CDCA7L: variants seen among roughly 807,000 people sequenced by gnomAD.
CDCA7L encodes cell division cycle-associated 7-like protein.
A neutral mutation model predicts 57.4 loss-of-function variants in CDCA7L; 44 were observed. The ratio of observed to expected loss-of-function variants is 0.77; its 90% CI spans 0.60 to 0.98. CDCA7L has a LOEUF of 0.98. CDCA7L is among the 50% of genes least tolerant of loss of function. The pLI is 0.00. For synonymous variants in CDCA7L, 236 were observed against 202.8 expected, an observed-to-expected ratio of 1.16 and a Z score of -1.39; for missense variants, 644 against 580.6, an observed-to-expected ratio of 1.11 and a Z score of -1.12.
chr7:21,911,563 A>G, intron 3 of CDCA7L, 54 bp downstream of exon 3: 2 of 1,545,616 alleles, frequency 1.3e-6, no homozygotes, highest in Admixed American at 2.1e-5. Context: ...AAACTCTTTC[A>G]GAAACAGGAT....
intron 1 of CDCA7L, among the ~76,000 whole-genome samples, chr7:21,942,701 T>C (rs1786377944): frequency 6.6e-6 from 1 of 152,236 alleles, no homozygotes; most frequent in African/African-American, 2.4e-5. Context: ...TCAGAATCAT[T>C]ATGATCTCTG....
Position 21,904,221 on chromosome 7 carries a change from G to A in CDCA7L, c.1086C>T (p.Asp362=), listed in dbSNP as rs752385846. Residue 362 remains aspartate (D), a synonymous_variant, in exon 8 of 10, where the codon GAC becomes GAT. Coordinates refer to ENST00000406877, the MANE Select transcript of CDCA7L (RefSeq NM_018719.5). Reference sequence around the variant, plus strand: ...CCTGGTTCCGACACACTGTCTTGGTGTCGATGGTCTTTTGTCGACACTGAT... The same window carrying A: ...CCTGGTTCCGACACACTGTCTTGGTATCGATGGTCTTTTGTCGACACTGAT... ...TCHQCRQKTI[D]TKTVCRNQGC... is the part of the protein sequence containing the mutation. 1.9e-6 allele frequency: 3 copies of A among 1,613,070 alleles called. No homozygotes were observed. In the South Asian group the frequency reaches 3.3e-5, roughly 18 times the overall value.
chr7:21,902,034 T>C lies in CDCA7L; in HGVS notation c.*288A>G. 2.3e-6 allele frequency: 1 copy of C among 428,814 alleles called. No homozygotes were observed. The highest frequency in any genetic ancestry group is 4.3e-6 in the Non-Finnish European group (1 of 235,288). 26.6% of individuals were successfully genotyped at this position (428,814 alleles called of 1,614,324 possible). A position where few individuals can be genotyped will look rare whatever the true frequency, so the allele number is the denominator to read the frequency against. On this transcript the variant is annotated 3_prime_UTR_variant, in exon 10 of 10. Coordinates refer to ENST00000406877, the MANE Select transcript of CDCA7L (RefSeq NM_018719.5). The stretch of plus-strand genomic sequence containing the variant: ...TCTCTCTAACTTACTTACCTGAACT[T>C]TAACCCCACCCCATTTAAACTGTGC...
Position 21,902,171 on chromosome 7 carries a change from A to G in CDCA7L, c.*151T>C. On this transcript the variant is annotated 3_prime_UTR_variant, in exon 10 of 10. Coordinates refer to ENST00000406877, the MANE Select transcript of CDCA7L (RefSeq NM_018719.5). ...GTCTTCCTGAGAAATCTTTGTAAGCATATAAACAATCTTTAACAAAAAATA... is the reference window on the plus strand; with the variant it reads ...GTCTTCCTGAGAAATCTTTGTAAGCGTATAAACAATCTTTAACAAAAAATA... The G allele has an allele frequency of 4.0e-6, 3 of 757,244 alleles. No individual in the cohort carries two copies. The highest frequency in any genetic ancestry group is 6.8e-6 in the Non-Finnish European group (3 of 440,560). The allele number at this position is 757,244 out of a possible 1,614,324, so 46.9% of individuals were successfully genotyped here.
intron 1 of CDCA7L, among the ~76,000 whole-genome samples, chr7:21,936,609 AAT>A (rs1364282040): frequency 6.6e-6 from 1 of 152,172 alleles, no homozygotes; most frequent in Non-Finnish European, 1.5e-5. Flanking sequence ...CATCTGACAA[AAT>A]TCAACACCCT....
At chr7:21,936,013 G>GAATAAATA (rs56010183) in intron 1 of CDCA7L, among the ~76,000 whole-genome samples, 21 of 151,366 alleles carry the variant, frequency 1.4e-4, no homozygotes, top group African/African-American at 5.1e-4. Flanking sequence ...GTCTCAAAAT[G>GAATAAATA]AATAAATAAA....
intron 9 of CDCA7L, 47 bp from the exon 10 acceptor site, chr7:21,902,399 A>G: frequency 1.3e-6 from 2 of 1,558,662 alleles, no homozygotes; most frequent in South Asian, 1.1e-5. Flanking sequence ...CAAATACACA[A>G]ATGGCATTCT....
chr7:21,944,488 T>C (rs1242045168), intron 1 of CDCA7L, among the ~76,000 whole-genome samples: 3 of 123,608 alleles, frequency 2.4e-5, no homozygotes, highest in East Asian at 2.3e-4. Flanking sequence ...TAATACACGG[T>C]AAAAGCCAGT....
rs886062190 is a variant in CDCA7L at position 21,901,402 on chromosome 7, GA to G, written c.*919del. ...AACGCTATCCTTAGAGTGAAAGTCA[GA>G]AAAAAATACTAGAAACTAACTCAGG... On this transcript the variant is annotated 3_prime_UTR_variant, in exon 10 of 10. Transcript: ENST00000406877. 2 of 1,154,606 alleles carry G rather than the reference GA, an allele frequency of 1.7e-6. No homozygotes were observed. The highest frequency in any genetic ancestry group is 2.9e-5 in the East Asian group (1 of 34,024). 71.5% of individuals were successfully genotyped at this position (1,154,606 alleles called of 1,614,324 possible).
chr7:21,944,310 G>T (rs1431819595), intron 1 of CDCA7L, among the ~76,000 whole-genome samples: 1 of 150,824 alleles, frequency 6.6e-6, no homozygotes, highest in Non-Finnish European at 1.5e-5. Context: ...AATTAGACAG[G>T]CGTGGTGGCG....
intron 2 of CDCA7L, among the ~76,000 whole-genome samples, chr7:21,916,242 G>C (rs1034139679): frequency 6.6e-6 from 1 of 152,086 alleles, no homozygotes; most frequent in Non-Finnish European, 1.5e-5. Context: ...GAACCTCCAG[G>C]AATCTACCTG....
rs564366705 is a variant in CDCA7L, at chr7:21,904,100, C to CTGTTCCTA, written c.1197+2_1197+9dup. 997 of 1,580,268 alleles carry CTGTTCCTA rather than the reference C, an allele frequency of 6.3e-4. 15 individuals carry two copies. In the South Asian group the frequency reaches 0.011, roughly 18 times the overall value. ...ATACAATTTACAACAAATGCAAACACTGTTCCTACCGGGTCCAGCAATGCC... is the reference window on the plus strand; with the variant it reads ...ATACAATTTACAACAAATGCAAACACTGTTCCTATGTTCCTACCGGGTCCAGCAATGCC... On this transcript the variant is annotated intron_variant, in intron 8 of 9. Transcript: ENST00000406877.
At position 21,902,251 on chromosome 7, in the gene CDCA7L, T is replaced by A. The variant is rs1230968245; in HGVS notation, c.*71A>T. The A allele has an allele frequency of 2.3e-5, 29 of 1,263,722 alleles. No individual in the cohort carries two copies. Among genetic ancestry groups the A allele is most frequent in the Admixed American group, 9.2e-5 (5 of 54,588 alleles). The allele number at this position is 1,263,722 out of a possible 1,614,324, so 78.3% of individuals were successfully genotyped here. On this transcript the variant is annotated 3_prime_UTR_variant, in exon 10 of 10. Transcript: ENST00000406877. ...AACACAACTGTAAAAAAATCTTTCT[T>A]AGGCACCAATGGTATGCATGTCTTG...
chr7:21,912,163 A>T (rs1304062876), intron 2 of CDCA7L, among the ~76,000 whole-genome samples: 1 of 151,922 alleles, frequency 6.6e-6, no homozygotes, highest in Non-Finnish European at 1.5e-5. Flanking sequence ...TTGGGAGGCT[A>T]AGGTGGGAGG....
intron 1 of CDCA7L, among the ~76,000 whole-genome samples, chr7:21,943,434 C>A (rs1055218632): frequency 1.3e-5 from 2 of 152,248 alleles, no homozygotes; most frequent in Admixed American, 6.5e-5. Context: ...ACCCACTGCA[C>A]ACTGAGCTGA....
chr7:21,911,886 G>A, intron 2 of CDCA7L, 132 bp from the exon 3 acceptor site: 1 of 704,394 alleles, frequency 1.4e-6, no homozygotes, highest in Non-Finnish European at 2.3e-6. Context: ...ACAACAATGT[G>A]AATGTACTTA....
At chr7:21,929,696 A>T (rs1409165447) in intron 1 of CDCA7L, among the ~76,000 whole-genome samples, 1 of 151,264 alleles carries the variant, frequency 6.6e-6, no homozygotes, top group Non-Finnish European at 1.5e-5. Context: ...AACAGACTTT[A>T]AACCAATGAA....
intron 1 of CDCA7L, among the ~76,000 whole-genome samples, chr7:21,945,406 C>G (rs1303924192): frequency 1.3e-5 from 2 of 152,130 alleles, no homozygotes; most frequent in Non-Finnish European, 2.9e-5. Context: ...GATCTCTGTG[C>G]CAATTCCCGG....
chr7:21,911,939 C>T (rs1785342006), intron 2 of CDCA7L, among the ~76,000 whole-genome samples, 185 bp from the exon 3 acceptor site: 1 of 150,814 alleles, frequency 6.6e-6, no homozygotes, highest in Non-Finnish European at 1.5e-5. Context: ...AAATGATATA[C>T]TTCATGTTAT....
Sources: allele counts gnomAD v4.1 joint callset (sites outside exome capture counted in the v4.1 genomes callset), GRCh38; gene constraint gnomAD v4.1.1; transcripts MANE v1.5; gene names NCBI Gene and HGNC (gene_info 2026-07-23, HGNC 2026-07-21).